TENM3: variants seen among roughly 807,000 people sequenced by gnomAD.
TENM3 encodes the protein teneurin transmembrane protein 3, also known as teneurin-3.
A neutral mutation model predicts 255.1 loss-of-function variants in TENM3; 63 were observed. The ratio of observed to expected loss-of-function variants is 0.25; its 90% confidence interval spans 0.20 to 0.30. TENM3 has a LOEUF of 0.30. TENM3 is among the 10% of genes least tolerant of loss of function. The probability of loss-of-function intolerance (pLI) is 1.00; values close to 1 mark genes in which losing one functional copy is unlikely to be tolerated. For synonymous variants in TENM3, 1,306 were observed against 1,322.3 expected (o/e 0.99, Z 0.27); for missense variants, 2,929 against 3,461.1 (o/e 0.85, Z 3.86).
chr4:182,471,980 T>TA (rs1733167165), intron 3 of TENM3, among the ~76,000 whole-genome samples: 2 of 152,160 alleles, frequency 1.3e-5, no homozygotes, highest in South Asian at 2.1e-4. Flanking sequence ...CTCTAAAAGT[T>TA]ACAAGAGTAG....
intron 3 of TENM3, among the ~76,000 whole-genome samples, chr4:182,397,563 T>C (rs1768927940): frequency 6.6e-6 from 1 of 152,158 alleles, no homozygotes; most frequent in Admixed American, 6.5e-5. Context: ...ATGTGCCTTT[T>C]ATCTCCACTT....
the TENM3 span, among the ~76,000 whole-genome samples, chr4:182,114,854 T>C: frequency 6.6e-6 from 1 of 152,170 alleles, no homozygotes. Context: ...AGGTCAACTA[T>C]TTTATTTTTT....
At chr4:182,205,494 A>T (rs902792784) in intron 1 of TENM3, among the ~76,000 whole-genome samples, 1 of 152,066 alleles carries the variant, frequency 6.6e-6, no homozygotes, top group African/African-American at 2.4e-5. Context: ...ATTCACCACT[A>T]ACGTATTTCC....
At chr4:182,419,139 T>C (rs1216706889) in intron 3 of TENM3, among the ~76,000 whole-genome samples, 1 of 152,226 alleles carries the variant, frequency 6.6e-6, no homozygotes, top group East Asian at 1.9e-4. Context: ...GAACACATGA[T>C]GCAGACTCTG....
At chr4:181,856,010 G>A in the TENM3 span, among the ~76,000 whole-genome samples, 1 of 86,002 alleles carries the variant, frequency 1.2e-5, no homozygotes, top group East Asian at 2.4e-4. Flanking sequence ...AAGGAAGGAA[G>A]GAAAGGGAAA....
At chr4:182,466,022 A>G (rs937178297) in intron 3 of TENM3, among the ~76,000 whole-genome samples, 1 of 152,194 alleles carries the variant, frequency 6.6e-6, no homozygotes, top group Admixed American at 6.5e-5. Flanking sequence ...AAAGTACGTT[A>G]TGGTTTATTA....
chr4:181,911,123 C>T, the TENM3 span, among the ~76,000 whole-genome samples: 268 of 152,288 alleles, frequency 1.8e-3, no homozygotes, highest in Non-Finnish European at 1.4e-3. Context: ...GCCCATTTTA[C>T]AGATGAGAAA....
At chr4:182,300,744 G>A (rs1761803163) in intron 1 of TENM3, among the ~76,000 whole-genome samples, 1 of 152,174 alleles carries the variant, frequency 6.6e-6, no homozygotes, top group African/African-American at 2.4e-5. Flanking sequence ...TGCAAGCATG[G>A]TGGTTGGAAG....
In TENM3 at chr4:182,346,720, C is replaced by T; in HGVS notation, c.302C>T (p.Ala101Val). 1 of 1,613,414 alleles carries T rather than the reference C, an allele frequency of 6.2e-7. No homozygotes were observed. The highest frequency in any genetic ancestry group is 1.1e-5 in the South Asian group (1 of 90,980). The change falls in exon 3 of 28, where the codon GCG becomes GTG. Residue 101 changes from alanine (A) to valine (V), a missense_variant. By Grantham distance (64) the Ala-to-Val change is moderately conservative (BLOSUM62 0). Transcript: ENST00000511685. ...ACTCGAAGAGGACTGGCATTTTGTG[C>T]GGAAATGGGGCTCCCTCACAGAGGT... ...PATRRGLAFC[A>V]EMGLPHRGYS...
At chr4:182,178,355 G>C (rs201484763) in intron 1 of TENM3, among the ~76,000 whole-genome samples, 50 of 152,034 alleles carry the variant, frequency 3.3e-4, no homozygotes, top group Non-Finnish European at 2.9e-5. Context: ...TTTACAACCA[G>C]TTCCTGAGAG....
At chr4:182,396,800 A>G (rs1235315235) in intron 3 of TENM3, among the ~76,000 whole-genome samples, 1 of 152,018 alleles carries the variant, frequency 6.6e-6, no homozygotes, top group African/African-American at 2.4e-5. Flanking sequence ...CGTCTCTACT[A>G]AAAATACAAA....
intron 23 of TENM3, among the ~76,000 whole-genome samples, chr4:182,774,146 A>G (rs1764490389): frequency 6.6e-6 from 1 of 152,164 alleles, no homozygotes; most frequent in Non-Finnish European, 1.5e-5. Context: ...TATCTCCATA[A>G]TGGACCCTCC....
the TENM3 span, among the ~76,000 whole-genome samples, chr4:181,448,107 T>C: frequency 1.3e-5 from 2 of 150,228 alleles, no homozygotes; most frequent in African/African-American, 4.9e-5. Context: ...CAGTTAAAAA[T>C]AGCTGTTATC....
chr4:182,537,835 C>G (rs912146073), intron 3 of TENM3, among the ~76,000 whole-genome samples: 6 of 152,176 alleles, frequency 3.9e-5, no homozygotes, highest in African/African-American at 1.4e-4. Context: ...GTACCCCATA[C>G]AGTGTTCTGT....
At chr4:182,417,851 A>G (rs1770504007) in intron 3 of TENM3, among the ~76,000 whole-genome samples, 1 of 152,208 alleles carries the variant, frequency 6.6e-6, no homozygotes, top group South Asian at 2.1e-4. Flanking sequence ...CTCTTTGAAG[A>G]TGTAGATGAT....
At chr4:182,702,647 T>A (rs573504295) in intron 12 of TENM3, among the ~76,000 whole-genome samples, 102 of 152,084 alleles carry the variant, frequency 6.7e-4, no homozygotes, top group Middle Eastern at 3.4e-3. Flanking sequence ...AAACTGAGGC[T>A]CCAAAAGGTT....
chr4:182,085,429 C>T, the TENM3 span, among the ~76,000 whole-genome samples: 3 of 152,036 alleles, frequency 2.0e-5, no homozygotes, highest in Non-Finnish European at 4.4e-5. Context: ...AAATTACACA[C>T]GATTTTTTTT....
At chr4:181,844,727 A>G in the TENM3 span, among the ~76,000 whole-genome samples, 3,182 of 152,308 alleles carry the variant, frequency 0.021, 52 homozygotes, top group Middle Eastern at 0.048. Flanking sequence ...GATGATCTAA[A>G]TAATAGGAGT....
chr4:182,519,198 G>A (rs1738307179), intron 3 of TENM3, among the ~76,000 whole-genome samples: 1 of 151,994 alleles, frequency 6.6e-6, no homozygotes, highest in Non-Finnish European at 1.5e-5. Flanking sequence ...GTCAATTATT[G>A]TTATGTATTG....
Sources: gnomAD v4.1 joint callset for allele counts (sites outside exome capture counted in the v4.1 genomes callset) on GRCh38, gnomAD v4.1.1 for gene constraint, MANE v1.5 for transcripts, NCBI Gene and HGNC (gene_info 2026-07-23, HGNC 2026-07-21) for gene names.